PDE1C: variants seen among roughly 807,000 people sequenced by gnomAD.
The protein encoded by PDE1C is phosphodiesterase 1C.
A neutral mutation model predicts 93.1 loss-of-function variants in PDE1C; 62 were observed. That is an observed-to-expected ratio of 0.67 (90% CI 0.54 to 0.82). PDE1C has a LOEUF of 0.82. PDE1C is among the 40% of genes least tolerant of loss of function. PDE1C has a pLI of 0.00. For synonymous variants in PDE1C, 325 were observed against 310.1 expected (o/e 1.05, Z -0.50); for missense variants, 742 against 884.6 (o/e 0.84, Z 2.04).
intron 16 of PDE1C, chr7:31,785,229 C>T (rs1269518470): frequency 6.6e-6 from 1 of 152,196 alleles, no homozygotes; most frequent in Non-Finnish European, 1.5e-5. Context: ...CCTGCAACAG[C>T]CAGCATTCAC....
At chr7:31,875,046 T>C (rs568346467) in intron 5 of PDE1C, among the ~76,000 whole-genome samples, 1 of 152,266 alleles carries the variant, frequency 6.6e-6, no homozygotes, top group East Asian at 1.9e-4. Flanking sequence ...AATATCCCAC[T>C]AGGGCGCAGG....
intron 2 of PDE1C, among the ~76,000 whole-genome samples, chr7:32,183,740 G>T (rs932806123): frequency 6.6e-6 from 1 of 152,110 alleles, no homozygotes; most frequent in East Asian, 1.9e-4. Context: ...CATAGGCATG[G>T]GCAAGGACTT....
chr7:32,262,773 T>C (rs147805742), intron 1 of PDE1C, among the ~76,000 whole-genome samples: 21 of 152,316 alleles, frequency 1.4e-4, no homozygotes, highest in African/African-American at 4.3e-4. Context: ...CTGACAACTT[T>C]TGGGGATAGT....
intron 15 of PDE1C, among the ~76,000 whole-genome samples, chr7:31,811,681 AC>A (rs1172847803): frequency 6.6e-6 from 1 of 151,984 alleles, no homozygotes; most frequent in Non-Finnish European, 1.5e-5. Flanking sequence ...CTGGAGCTTT[AC>A]CCACAGCTAC....
rs750580876 is a variant in PDE1C at position 31,851,367 on chromosome 7, C to A, written c.751-626G>T. 6.8e-4 allele frequency among the ~76,000 whole-genome samples: 104 copies of A among 152,166 alleles called. 3 individuals carry two copies. Among genetic ancestry groups the A allele is most frequent in the Non-Finnish European group, 1.9e-4 (13 of 68,026 alleles). ...AGCTTGTTAGAAATGCTGGCAAATT[C>A]TTCAGCCCCACCCCAATCTCACTGG... On this transcript the variant is annotated intron_variant, in intron 7 of 17. Coordinates refer to ENST00000396191, the MANE Select transcript of PDE1C (RefSeq NM_001191057.4).
At chr7:32,169,736 A>T in intron 3 of PDE1C, 10 of 1,548,368 alleles carry the variant, frequency 6.5e-6, no homozygotes, top group Non-Finnish European at 8.9e-6. Flanking sequence ...GATTGAAACA[A>T]CTCCACAAGC....
the PDE1C span, among the ~76,000 whole-genome samples, chr7:31,618,386 CACT>C: frequency 2.0e-5 from 3 of 152,154 alleles, no homozygotes; most frequent in Non-Finnish European, 1.5e-5. Context: ...TAACACACAC[CACT>C]ACTAATTAGG....
the PDE1C span, among the ~76,000 whole-genome samples, chr7:31,703,773 T>C: frequency 1.3e-5 from 2 of 152,186 alleles, no homozygotes. Context: ...AAGTGAAAAC[T>C]GGACAAGGAT....
intron 2 of PDE1C, among the ~76,000 whole-genome samples, chr7:32,004,900 G>A (rs1785982255): frequency 6.6e-6 from 1 of 152,168 alleles, no homozygotes; most frequent in Non-Finnish European, 1.5e-5. Flanking sequence ...AGCCACTTGT[G>A]AAGAAATCTA....
At chr7:31,620,442 C>G in the PDE1C span, among the ~76,000 whole-genome samples, 2 of 151,782 alleles carry the variant, frequency 1.3e-5, no homozygotes, top group East Asian at 3.9e-4. Context: ...CAGCAGCATT[C>G]GAGATTCACG....
At chr7:31,989,104 AAGAG>A (rs139595415) in intron 2 of PDE1C, among the ~76,000 whole-genome samples, 4,607 of 150,738 alleles carry the variant, frequency 0.031, 115 homozygotes, top group African/African-American at 0.068. Context: ...GAAAGAAAGA[AAGAG>A]AAAGAGAAAG....
the PDE1C span, among the ~76,000 whole-genome samples, chr7:31,704,206 G>A: frequency 6.6e-6 from 1 of 152,208 alleles, no homozygotes; most frequent in Non-Finnish European, 1.5e-5. Flanking sequence ...GATGTCCATT[G>A]AAAGTGACAC....
At chr7:31,723,892 G>A in the PDE1C span, among the ~76,000 whole-genome samples, 2 of 152,080 alleles carry the variant, frequency 1.3e-5, no homozygotes, top group Non-Finnish European at 2.9e-5. Context: ...TATGAAGCAA[G>A]CTCCTACCAC....
chr7:32,041,086 C>T (rs550627635), intron 2 of PDE1C, among the ~76,000 whole-genome samples: 5 of 152,284 alleles, frequency 3.3e-5, no homozygotes, highest in African/African-American at 9.6e-5. Flanking sequence ...AGTCCCAAGA[C>T]TTCAGTGACT....
chr7:32,070,266 G>A (rs759205661), intron 1 of PDE1C, 27 bp downstream of exon 1: 7 of 1,613,802 alleles, frequency 4.3e-6, no homozygotes, highest in Non-Finnish European at 5.9e-6. Context: ...GGGAAATGGG[G>A]CAGGAGAAGT....
At chr7:31,841,227 CTA>C (rs1554361935) in intron 9 of PDE1C, among the ~76,000 whole-genome samples, 7 of 142,286 alleles carry the variant, frequency 4.9e-5, no homozygotes, top group Non-Finnish European at 7.5e-5. Flanking sequence ...CTCTCTCTCT[CTA>C]TATATATATA....
At chr7:31,967,887 G>C (rs868644295) in intron 2 of PDE1C, among the ~76,000 whole-genome samples, 63 of 152,122 alleles carry the variant, frequency 4.1e-4, no homozygotes, top group African/African-American at 1.5e-3. Flanking sequence ...ATGCAGAAAA[G>C]GCCTTTGACA....
chr7:32,207,121 G>C (rs1805631068), intron 2 of PDE1C, among the ~76,000 whole-genome samples: 1 of 152,140 alleles, frequency 6.6e-6, no homozygotes, highest in Non-Finnish European at 1.5e-5. Flanking sequence ...GGTAGATCCA[G>C]AGTCTCACAG....
At chr7:32,183,109 C>T (rs377616666) in intron 2 of PDE1C, among the ~76,000 whole-genome samples, 1 of 152,030 alleles carries the variant, frequency 6.6e-6, no homozygotes, top group Admixed American at 6.6e-5. Flanking sequence ...TGAAGGACCT[C>T]TTCAAGCAGA....
Sources: allele counts gnomAD v4.1 joint callset (sites outside exome capture counted in the v4.1 genomes callset), GRCh38; gene constraint gnomAD v4.1.1; transcripts MANE v1.5; gene names NCBI Gene and HGNC (gene_info 2026-07-23, HGNC 2026-07-21).